The following ZP3 variants were observed in gnomAD, a reference collection of about 807,000 sequenced individuals.
ZP3 encodes zona pellucida glycoprotein 3.
ZP3 carries 21 observed loss-of-function variants against 35.6 expected under a neutral mutation model. That is an observed-to-expected ratio of 0.59 (90% confidence interval 0.42 to 0.85). The LOEUF is 0.85. Ranked by LOEUF, ZP3 falls within the 40% of genes least tolerant of loss-of-function variation. The pLI is 0.00. For missense variants in ZP3, 437 were observed against 536.5 expected (o/e 0.81, Z 1.83); for synonymous variants, 207 against 214.5 (o/e 0.96, Z 0.31).
chr7:76,406,348 T>C (rs1805031812), intron 1 of ZP3, among the ~76,000 whole-genome samples: 2 of 152,204 alleles, frequency 1.3e-5, no homozygotes, highest in Non-Finnish European at 2.9e-5. Context: ...TAGATACTCA[T>C]GTATTGTTTT....
chr7:76,433,357 G>A (rs923593994), intron 3 of ZP3, 113 bp from the exon 4 acceptor site: 77 of 1,209,702 alleles, frequency 6.4e-5, no homozygotes, highest in South Asian at 1.3e-4. Flanking sequence ...GTTTTGCCAC[G>A]TTGGCTAGGC....
Position 76,403,180 on chromosome 7 carries a change from A to G in ZP3, c.-67+5383A>G, listed in dbSNP as rs1804884221. Among the ~76,000 whole-genome samples, 2 of 152,182 alleles carry G rather than the reference A, an allele frequency of 1.3e-5. 1 individual carries two copies. The highest frequency in any genetic ancestry group is 4.1e-4 in the South Asian group (2 of 4,836). ...CACGATGCTTGAGAGTGGAGGTGGGAGAGGAAACAGGGAAGTGAAATTTGC... is the reference window on the plus strand; with the variant it reads ...CACGATGCTTGAGAGTGGAGGTGGGGGAGGAAACAGGGAAGTGAAATTTGC... On this transcript the variant is annotated intron_variant, in intron 1 of 8. Coordinates refer to the ZP3 transcript ENST00000336517.
chr7:76,429,532 G>A lies in ZP3; in HGVS notation c.330G>A (p.Leu110=), dbSNP rs1805768009. The change falls in exon 2 of 8, where the codon CTG becomes CTA. Residue 110 remains leucine, a synonymous_variant. Transcript: ENST00000394857. ...GNSMQVTDDA[L]VYSTFLLHDP... is the part of the protein sequence containing the mutation. ...TCCTCCAGGTAACTGACGATGCCCT[G>A]GTGTACAGCACCTTCCTGCTCCATG... 1 of 1,614,034 alleles carries A rather than the reference G, an allele frequency of 6.2e-7. No homozygotes were observed. The highest frequency in any genetic ancestry group is 1.6e-4 in the Middle Eastern group (1 of 6,062).
At chr7:76,426,518 T>C (rs922061725) in intron 1 of ZP3, among the ~76,000 whole-genome samples, 2 of 151,902 alleles carry the variant, frequency 1.3e-5, no homozygotes, top group African/African-American at 4.8e-5. Context: ...TGGGCTCTCT[T>C]TGAGGACTCG....
chr7:76,419,958 C>T (rs1265418241), upstream of ZP3, among the ~76,000 whole-genome samples: 1 of 152,072 alleles, frequency 6.6e-6, no homozygotes, highest in African/African-American at 2.4e-5. Flanking sequence ...CGCGACACCA[C>T]GCCCAGCTAA....
intron 1 of ZP3, 39 bp downstream of exon 1, chr7:76,425,315 G>A (rs763391806): frequency 5.7e-6 from 9 of 1,567,810 alleles, no homozygotes; most frequent in Non-Finnish European, 7.8e-6. Flanking sequence ...GTGGGAGGAT[G>A]TTCGAGGCAG....
upstream of ZP3, among the ~76,000 whole-genome samples, chr7:76,422,050 C>G (rs148454871): frequency 6.6e-6 from 1 of 152,030 alleles, no homozygotes; most frequent in African/African-American, 2.4e-5. Flanking sequence ...GCATGTGCCA[C>G]CACACCAGGC....
Position 76,430,164 on chromosome 7 carries a change from T to C in ZP3, c.431+531T>C, listed in dbSNP as rs559706349. 5.9e-3 allele frequency among the ~76,000 whole-genome samples: 900 copies of C among 151,574 alleles called. 13 individuals carry two copies. The highest frequency in any genetic ancestry group is 0.021 in the African/African-American group (865 of 41,310). On this transcript the variant is annotated intron_variant, in intron 2 of 7. Transcript: ENST00000394857. Reference sequence around the variant, plus strand: ...GGCAGAGGCTGCAGTGAGCCGAGATTGCACTGCTGTACTCCATTCTGGGCA... The same window carrying C: ...GGCAGAGGCTGCAGTGAGCCGAGATCGCACTGCTGTACTCCATTCTGGGCA...
chr7:76,422,008 C>T (rs537461489), upstream of ZP3, among the ~76,000 whole-genome samples: 18 of 151,948 alleles, frequency 1.2e-4, no homozygotes, highest in Non-Finnish European at 2.2e-4. Context: ...GCGATTCTCC[C>T]GCCTCAGCCT....
intron 1 of ZP3, chr7:76,404,504 A>G: frequency 1.2e-6 from 2 of 1,611,422 alleles, no homozygotes; most frequent in South Asian, 2.2e-5. Context: ...CAGTTGGAAC[A>G]TCTGAAATTA....
At chr7:76,418,903 T>A (rs541199735) in intron 1 of ZP3, among the ~76,000 whole-genome samples, 1 of 152,222 alleles carries the variant, frequency 6.6e-6, no homozygotes, top group Non-Finnish European at 1.5e-5. Flanking sequence ...TTGGAGTTAT[T>A]TTTTGGATAT....
Position 76,432,918 on chromosome 7 carries a change from T to C in ZP3, c.432-9T>C. 1 of 1,613,386 alleles carries C rather than the reference T, an allele frequency of 6.2e-7. No individual in the cohort carries two copies. The highest frequency in any genetic ancestry group is 1.1e-5 in the South Asian group (1 of 90,994). On this transcript the variant is annotated splice_polypyrimidine_tract_variant and intron_variant, in intron 2 of 7. Coordinates refer to ENST00000394857, the MANE Select transcript of ZP3 (RefSeq NM_001110354.2). ...AGGCAGGTGTGCACAGCTGCTGTTC[T>C]TCTCTCAGGCAGGGCAATGTGAGCA...
intron 1 of ZP3, chr7:76,400,462 C>G: frequency 6.2e-7 from 1 of 1,608,562 alleles, no homozygotes; most frequent in Non-Finnish European, 8.5e-7. Flanking sequence ...CAGGCCACAG[C>G]CCAGCTGGCG....
At position 76,431,853 on chromosome 7, in the gene ZP3, C is replaced by T. The variant is rs533883276; in HGVS notation, c.432-1074C>T. On this transcript the variant is annotated intron_variant, in intron 2 of 7. Transcript: ENST00000394857. The stretch of plus-strand genomic sequence containing the variant: ...GGTGGAGCTTGCAGTGAGCCGAGAT[C>T]GTGCCACTGTACTCCAGCCTGGGAG... 1.8e-4 allele frequency among the ~76,000 whole-genome samples: 27 copies of T among 149,388 alleles called. 1 individual carries two copies. The highest frequency in any genetic ancestry group is 8.0e-4 in the Admixed American group (12 of 14,932).
intron 1 of ZP3, among the ~76,000 whole-genome samples, chr7:76,410,793 G>C (rs191413242): frequency 1.3e-5 from 2 of 151,842 alleles, no homozygotes; most frequent in Admixed American, 1.3e-4. Context: ...TCAGGAGTTC[G>C]AGACCAGCCT....
At chr7:76,434,446 C>A (rs1194838822) in intron 5 of ZP3, among the ~76,000 whole-genome samples, 1 of 151,136 alleles carries the variant, frequency 6.6e-6, no homozygotes, top group Non-Finnish European at 1.5e-5. Context: ...CCAGCCTGGC[C>A]AACATAGTAA....
chr7:76,398,349 C>T (rs1804708480), intron 1 of ZP3, among the ~76,000 whole-genome samples: 3 of 150,116 alleles, frequency 2.0e-5, no homozygotes. Context: ...TCACTGTGTC[C>T]CCCAGGCTAG....
Position 76,432,919 on chromosome 7 carries a change from TCTCTC to T in ZP3, c.432-7_432-3del. On this transcript the variant is annotated splice_polypyrimidine_tract_variant and splice_region_variant and intron_variant, in intron 2 of 7. Transcript: ENST00000394857. ...GGCAGGTGTGCACAGCTGCTGTTCT[TCTCTC>T]AGGCAGGGCAATGTGAGCAGCCAGG... 5 of 1,613,158 alleles carry T rather than the reference TCTCTC, an allele frequency of 3.1e-6. No homozygotes were observed. The highest frequency in any genetic ancestry group is 4.2e-6 in the Non-Finnish European group (5 of 1,179,468).
chr7:76,399,969 C>A (rs1486510109), intron 1 of ZP3, among the ~76,000 whole-genome samples: 2 of 152,042 alleles, frequency 1.3e-5, no homozygotes, highest in African/African-American at 4.8e-5. Context: ...CTGGTCGGGA[C>A]CAAACAGTGA....
Sources: gnomAD v4.1 joint callset for allele counts (sites outside exome capture counted in the v4.1 genomes callset) on GRCh38, gnomAD v4.1.1 for gene constraint, MANE v1.5 for transcripts, NCBI Gene and HGNC (gene_info 2026-07-23, HGNC 2026-07-21) for gene names.